PCDH11X: variants seen among roughly 807,000 people sequenced by gnomAD.
PCDH11X encodes the protein protocadherin 11 X-linked.
In PCDH11X, 18 loss-of-function variants were observed where a neutral mutation model predicts 53.3. The observed-to-expected ratio is 0.34, with a 90% CI of 0.23 to 0.50. The LOEUF (loss-of-function observed/expected upper bound fraction) is 0.50, where lower values mean the gene tolerates loss of function less well. Among genes scored for constraint, PCDH11X ranks in the 20% least tolerant of loss-of-function variants. The pLI is 0.98. For synonymous variants in PCDH11X, 279 were observed against 393.3 expected (o/e 0.71, Z 3.44); for missense variants, 570 against 1,032.4 (o/e 0.55, Z 6.14).
chrX:91,790,982 C>CGA (rs987125956), intron 1 of PCDH11X, among the ~76,000 whole-genome samples: 3 of 103,580 alleles, frequency 2.9e-5, no homozygotes, highest in Non-Finnish European at 5.9e-5. Context: ...ATCACCTTCC[C>CGA]GATGAAACTG....
intron 8 of PCDH11X, among the ~76,000 whole-genome samples, chrX:92,308,506 G>C (rs1428808395): frequency 1.8e-5 from 2 of 110,464 alleles, no homozygotes; most frequent in Non-Finnish European, 3.8e-5. Flanking sequence ...AATTCAAAAT[G>C]AATCAATGAC....
chrX:92,422,206 A>G (rs2071987158), intron 9 of PCDH11X, among the ~76,000 whole-genome samples: 1 of 102,071 alleles, frequency 9.8e-6, no homozygotes, highest in Admixed American at 1.1e-4. Context: ...GGTAGTTTTC[A>G]GTTACATGGA....
At chrX:92,170,445 A>T (rs778367850) in intron 6 of PCDH11X, among the ~76,000 whole-genome samples, 4 of 110,721 alleles carry the variant, frequency 3.6e-5, no homozygotes, top group African/African-American at 1.3e-4. Flanking sequence ...AAAGAATGAG[A>T]AAATATAGTA....
chrX:91,816,047 G>T (rs1055778486), intron 4 of PCDH11X, among the ~76,000 whole-genome samples: 20 of 109,371 alleles, frequency 1.8e-4, no homozygotes, highest in African/African-American at 6.8e-4. Flanking sequence ...AGAATCACTT[G>T]AACCCGGGAG....
At chrX:92,268,172 A>G (rs1285304287) in intron 8 of PCDH11X, among the ~76,000 whole-genome samples, 1 of 112,287 alleles carries the variant, frequency 8.9e-6, no homozygotes, top group African/African-American at 3.2e-5. Context: ...TTCCTATATT[A>G]CTTTTTGGAC....
At chrX:92,153,147 G>T (rs776451643) in intron 6 of PCDH11X, among the ~76,000 whole-genome samples, 3 of 110,500 alleles carry the variant, frequency 2.7e-5, no homozygotes, top group African/African-American at 9.9e-5. Flanking sequence ...GTTTTCCCAA[G>T]GGGGTATACT....
chrX:92,037,900 G>GGTT (rs1313445659), intron 6 of PCDH11X, among the ~76,000 whole-genome samples: 6 of 88,574 alleles, frequency 6.8e-5, no homozygotes, highest in Non-Finnish European at 4.6e-5. Flanking sequence ...TTATTTGTGG[G>GGTT]TTTTTTTTTT....
chrX:92,295,943 C>T (rs2068599038), intron 8 of PCDH11X, among the ~76,000 whole-genome samples: 1 of 109,397 alleles, frequency 9.1e-6, no homozygotes, highest in Admixed American at 9.8e-5. Flanking sequence ...ATTAGCTGGG[C>T]ATGGTGGCAT....
At chrX:92,058,076 A>T (rs1409399328) in intron 6 of PCDH11X, among the ~76,000 whole-genome samples, 1 of 102,553 alleles carries the variant, frequency 9.8e-6, no homozygotes, top group Non-Finnish European at 1.9e-5. Flanking sequence ...GCCTATTTTA[A>T]CTCAGTCCTC....
intron 6 of PCDH11X, among the ~76,000 whole-genome samples, chrX:92,006,192 T>C (rs756011258): frequency 9.1e-6 from 1 of 110,316 alleles, no homozygotes; most frequent in Non-Finnish European, 1.9e-5. Flanking sequence ...TTGAATTATC[T>C]TTCTACTCCT....
Position 92,108,939 on chromosome X carries a change from G to A in PCDH11X, c.3034-92436G>A, listed in dbSNP as rs186670120. On this transcript the variant is annotated intron_variant, in intron 6 of 10. Transcript: ENST00000682573. ...GCCCAACGGGTTCACCTTGCCCGCT[G>A]CCTAGACAGAGACGATTTATTAAGA... is the stretch of plus-strand genomic sequence containing the variant. Among the ~76,000 whole-genome samples, 336 of 111,893 alleles carry A rather than the reference G, an allele frequency of 3.0e-3. 1 individual carries two copies. The highest frequency in any genetic ancestry group is 9.3e-3 in the Middle Eastern group (2 of 215).
intron 8 of PCDH11X, among the ~76,000 whole-genome samples, chrX:92,353,250 A>T (rs1242821125): frequency 1.8e-5 from 2 of 112,085 alleles, no homozygotes; most frequent in Non-Finnish European, 3.8e-5. Flanking sequence ...TATTTCACTG[A>T]TGGCAGGTTT....
At chrX:91,931,063 T>C (rs1177628809) in intron 6 of PCDH11X, among the ~76,000 whole-genome samples, 4 of 110,439 alleles carry the variant, frequency 3.6e-5, no homozygotes, top group Non-Finnish European at 7.6e-5. Context: ...AACTTTGTTT[T>C]GGGAAATTCA....
At chrX:91,920,593 G>A (rs2524624) in intron 6 of PCDH11X, among the ~76,000 whole-genome samples, 1 of 110,945 alleles carries the variant, frequency 9.0e-6, no homozygotes, top group African/African-American at 3.3e-5. Context: ...CCTATCCCCC[G>A]CTCACCAAAA....
intron 6 of PCDH11X, among the ~76,000 whole-genome samples, chrX:91,940,993 T>TA (rs1463972154): frequency 1.4e-4 from 15 of 110,906 alleles, no homozygotes; most frequent in Non-Finnish European, 2.8e-4. Flanking sequence ...AATTTGATTG[T>TA]AAAAAATATT....
rs1372217592 is a variant in PCDH11X, at chrX:92,055,669, G to A, written c.3034-145706G>A. Among the ~76,000 whole-genome samples the A allele has an allele frequency of 3.8e-5, 4 of 105,904 alleles. No individual in the cohort carries two copies. The Admixed American group carries it at 4.0e-4, about 10-fold the overall frequency. 92.0% of individuals were successfully genotyped at this position (105,904 alleles called of 115,157 possible). ...GATTATTTCGTCACCCAGATAGTAA[G>A]CCTAGTAGCCATTTTTCCTGATCTT... On this transcript the variant is annotated intron_variant, in intron 6 of 10. Transcript: ENST00000682573.
chrX:92,372,954 G>A (rs1453411448), intron 8 of PCDH11X, among the ~76,000 whole-genome samples: 4 of 111,090 alleles, frequency 3.6e-5, no homozygotes, highest in Non-Finnish European at 5.7e-5. Flanking sequence ...ACTCAAGTTG[G>A]TATGTCAATC....
chrX:92,306,059 AC>A (rs2068822211), intron 8 of PCDH11X, among the ~76,000 whole-genome samples: 1 of 111,869 alleles, frequency 8.9e-6, no homozygotes, highest in Non-Finnish European at 1.9e-5. Context: ...CTAAAATTAT[AC>A]AAAGTATCCT....
intron 9 of PCDH11X, among the ~76,000 whole-genome samples, chrX:92,400,472 A>T (rs1288462796): frequency 9.1e-6 from 1 of 109,940 alleles, no homozygotes; most frequent in African/African-American, 3.3e-5. Flanking sequence ...GTTTTATTTG[A>T]CCACTTTTGC....
Sources: allele counts gnomAD v4.1 joint callset (sites outside exome capture counted in the v4.1 genomes callset), GRCh38; gene constraint gnomAD v4.1.1; transcripts MANE v1.5; gene names NCBI Gene and HGNC (gene_info 2026-07-23, HGNC 2026-07-21).